Variants in PDE10A observed in about 807,000 individuals in gnomAD.
The protein encoded by PDE10A is cAMP and cAMP-inhibited cGMP 3',5'-cyclic phosphodiesterase 10A.
A neutral mutation model predicts 97.7 loss-of-function variants in PDE10A; 39 were observed. The observed-to-expected ratio is 0.40, with a 90% CI of 0.31 to 0.52. The LOEUF (loss-of-function observed/expected upper bound fraction) is 0.52, where lower values mean the gene tolerates loss of function less well. PDE10A is among the 20% of genes least tolerant of loss of function. The pLI is 0.56. For synonymous variants in PDE10A, 371 were observed against 376.8 expected, an observed-to-expected ratio of 0.98 and a Z score of 0.18; for missense variants, 731 against 1,047.8, an observed-to-expected ratio of 0.70 and a Z score of 4.17.
intron 1 of PDE10A, among the ~76,000 whole-genome samples, chr6:165,952,166 G>A (rs904990455): frequency 3.3e-5 from 5 of 152,194 alleles, no homozygotes; most frequent in Non-Finnish European, 4.4e-5. Context: ...TTCTGGCTCC[G>A]GAACGCCTCT....
At chr6:165,568,067 T>C (rs192242521) in intron 1 of PDE10A, among the ~76,000 whole-genome samples, 1,463 of 141,778 alleles carry the variant, frequency 0.01, 19 homozygotes, top group African/African-American at 0.03. Flanking sequence ...GGCACAATCT[T>C]GGCTCACTGC....
At chr6:165,763,231 C>A (rs1448036740) in intron 1 of PDE10A, among the ~76,000 whole-genome samples, 1 of 152,194 alleles carries the variant, frequency 6.6e-6, no homozygotes, top group Non-Finnish European at 1.5e-5. Context: ...GGTGCCCCTG[C>A]TCGCCTCGTT....
chr6:165,832,964 GTGAGGGTGCCA>G (rs1403677731), intron 1 of PDE10A, among the ~76,000 whole-genome samples: 15 of 152,212 alleles, frequency 9.9e-5, no homozygotes, highest in African/African-American at 3.6e-4. Context: ...TAATGTCAGA[GTGAGGGTGCCA>G]TGTACCCATC....
intron 1 of PDE10A, among the ~76,000 whole-genome samples, chr6:165,957,614 A>C (rs1216953532): frequency 6.6e-6 from 1 of 152,242 alleles, no homozygotes; most frequent in Admixed American, 6.5e-5. Context: ...TATTTGTGCA[A>C]TTTGACTCCA....
At chr6:165,784,339 C>T (rs1022515424) in intron 1 of PDE10A, among the ~76,000 whole-genome samples, 7 of 152,186 alleles carry the variant, frequency 4.6e-5, no homozygotes, top group African/African-American at 1.7e-4. Flanking sequence ...CCCATGAGCA[C>T]CTCCTTGGTA....
intron 1 of PDE10A, among the ~76,000 whole-genome samples, chr6:165,821,472 G>A (rs1779567629): frequency 6.6e-6 from 1 of 152,118 alleles, no homozygotes; most frequent in Non-Finnish European, 1.5e-5. Context: ...TTTAAATGTA[G>A]GAGACAAGTT....
At chr6:165,756,911 T>C (rs979945549) in intron 1 of PDE10A, among the ~76,000 whole-genome samples, 3 of 152,140 alleles carry the variant, frequency 2.0e-5, no homozygotes, top group Admixed American at 6.6e-5. Context: ...ATTTCTTTTT[T>C]TGTGAACTGA....
At chr6:165,670,910 T>C (rs1367703797) in intron 1 of PDE10A, among the ~76,000 whole-genome samples, 4 of 152,322 alleles carry the variant, frequency 2.6e-5, no homozygotes, top group Admixed American at 6.5e-5. Context: ...AGTCTCACAG[T>C]GTGCAGGAAG....
At chr6:165,909,192 G>A (rs971765471) in intron 1 of PDE10A, 6 of 152,236 alleles carry the variant, frequency 3.9e-5, no homozygotes, top group African/African-American at 1.4e-4. Context: ...AAAAGGAACT[G>A]CACTGCGGAC....
At chr6:165,478,745 G>A (rs942418936) in intron 3 of PDE10A, among the ~76,000 whole-genome samples, 14 of 152,108 alleles carry the variant, frequency 9.2e-5, no homozygotes, top group Admixed American at 6.5e-4. Flanking sequence ...TAGCTGTCTG[G>A]TCTGATAAGA....
intron 1 of PDE10A, among the ~76,000 whole-genome samples, chr6:165,792,313 G>A (rs929035311): frequency 2.6e-5 from 4 of 152,206 alleles, no homozygotes; most frequent in Non-Finnish European, 4.4e-5. Context: ...CAGGACGCAG[G>A]CTGCAGAGGG....
At chr6:165,574,878 T>G in intron 1 of PDE10A, among the ~76,000 whole-genome samples, 1 of 152,244 alleles carries the variant, frequency 6.6e-6, no homozygotes, top group Non-Finnish European at 1.5e-5. Flanking sequence ...ATGATTCATT[T>G]GCTCCCTGCT....
chr6:165,720,504 A>G (rs566893282), intron 1 of PDE10A, among the ~76,000 whole-genome samples: 2 of 152,324 alleles, frequency 1.3e-5, no homozygotes, highest in African/African-American at 4.8e-5. Context: ...CCAAACCTAA[A>G]GAATAAAAAA....
At chr6:165,580,821 T>G (rs551691526) in intron 1 of PDE10A, among the ~76,000 whole-genome samples, 1 of 151,590 alleles carries the variant, frequency 6.6e-6, no homozygotes, top group African/African-American at 2.4e-5. Context: ...AGACGGTAAG[T>G]CTCCTACCCA....
chr6:165,642,470 T>C (rs1442391205), intron 1 of PDE10A, among the ~76,000 whole-genome samples: 1 of 152,078 alleles, frequency 6.6e-6, no homozygotes, highest in Non-Finnish European at 1.5e-5. Flanking sequence ...ATAAAGAAAA[T>C]ATAATCAATT....
At chr6:165,748,718 A>T (rs1792897909) in intron 1 of PDE10A, among the ~76,000 whole-genome samples, 1 of 152,366 alleles carries the variant, frequency 6.6e-6, no homozygotes, top group East Asian at 1.9e-4. Flanking sequence ...CAAGCCTCAC[A>T]GCATAAAATC....
intron 1 of PDE10A, among the ~76,000 whole-genome samples, chr6:165,794,528 C>T (rs578217388): frequency 1.1e-3 from 165 of 151,368 alleles, no homozygotes; most frequent in African/African-American, 3.8e-3. Context: ...ACTCGCACAC[C>T]CTCACACACA....
chr6:165,789,627 T>C (rs1778592889), intron 1 of PDE10A, among the ~76,000 whole-genome samples: 1 of 152,254 alleles, frequency 6.6e-6, no homozygotes, highest in Admixed American at 6.5e-5. Context: ...CTGGAATATG[T>C]CAATCCAGCA....
intron 9 of PDE10A, among the ~76,000 whole-genome samples, chr6:165,429,771 T>C (rs533587944): frequency 5.9e-5 from 9 of 152,214 alleles, no homozygotes; most frequent in African/African-American, 2.2e-4. Flanking sequence ...AAATATCTAT[T>C]ATATAATTGC....
Sources: gnomAD v4.1 joint callset for allele counts (sites outside exome capture counted in the v4.1 genomes callset) on GRCh38, gnomAD v4.1.1 for gene constraint, MANE v1.5 for transcripts, NCBI Gene and HGNC (gene_info 2026-07-23, HGNC 2026-07-21) for gene names.